KDM5A: variants seen among roughly 807,000 people sequenced by gnomAD.
KDM5A encodes lysine demethylase 5A, also known as lysine-specific demethylase 5A.
KDM5A carries 42 observed loss-of-function variants against 193.5 expected under a neutral mutation model. That is an observed-to-expected ratio of 0.22 (90% confidence interval 0.17 to 0.28). The LOEUF is 0.28. Among genes scored for constraint, KDM5A ranks in the 10% least tolerant of loss-of-function variants. KDM5A has a pLI of 1.00. For missense variants in KDM5A, 1,692 were observed against 2,055.1 expected (o/e 0.82, Z 3.42); for synonymous variants, 796 against 718.1 (o/e 1.11, Z -1.73).
intron 3 of KDM5A, among the ~76,000 whole-genome samples, chr12:367,208 C>T (rs1327640347): frequency 6.6e-6 from 1 of 152,064 alleles, no homozygotes; most frequent in Non-Finnish European, 1.5e-5. Context: ...TGTTCAAACT[C>T]AGTTTCTCCT....
intron 1 of KDM5A, 93 bp from the exon 2 acceptor site, chr12:386,067 T>C (rs1944634332): frequency 2.3e-6 from 2 of 874,596 alleles, no homozygotes; most frequent in Non-Finnish European, 3.8e-6. Context: ...CCACAAATCA[T>C]GGTGCTAATA....
At position 281,197 on chromosome 12, in the gene KDM5A, A is replaced by G. The variant is rs1445280042; in HGVS notation, c.*4259T>C. On this transcript the variant is annotated 3_prime_UTR_variant, in exon 28 of 28. Transcript: ENST00000399788. ...AAACACAAAACATGCTCAAAGATCA[A>G]GAAATCGAGTTATACTTTTCATAAG... 1 of 233,048 alleles carries G rather than the reference A, an allele frequency of 4.3e-6. No homozygotes were observed. The highest frequency in any genetic ancestry group is 8.5e-6 in the Non-Finnish European group (1 of 117,984). The allele number at this position is 233,048 out of a possible 1,614,324, so 14.4% of individuals were successfully genotyped here.
intron 3 of KDM5A, among the ~76,000 whole-genome samples, chr12:371,779 A>G (rs1025512886): frequency 2.0e-5 from 3 of 152,156 alleles, no homozygotes; most frequent in Admixed American, 6.5e-5. Context: ...TAATTTTTGT[A>G]TAAGTTGTAA....
Position 334,346 on chromosome 12 carries a change from T to A in KDM5A, c.1385A>T (p.Asp462Val). The A allele has an allele frequency of 1.2e-6, 2 of 1,614,002 alleles. No individual in the cohort carries two copies. The highest frequency in any genetic ancestry group is 1.7e-6 in the Non-Finnish European group (2 of 1,179,886). Residue 462 changes from aspartate (D) to valine (V), a missense_variant, in exon 11 of 28, where the codon GAC becomes GTC. Physicochemically the swap from Asp to Val is radical, Grantham distance 152. Coordinates refer to ENST00000399788, the MANE Select transcript of KDM5A (RefSeq NM_001042603.3). ...CCACGGCACTTTCATACCAGAGATG[T>A]CCACATTAATATGTGCAAGAACAGA... ...EQSVLAHINV[D>V]ISGMKVPWLY...
intron 19 of KDM5A, among the ~76,000 whole-genome samples, chr12:314,428 C>CTCG (rs1373509009): frequency 6.6e-6 from 1 of 152,108 alleles, no homozygotes; most frequent in East Asian, 1.9e-4. Context: ...ATCTCCTGAC[C>CTCG]TCGTGATTCT....
chr12:294,140 T>C (rs1004309143), intron 26 of KDM5A, among the ~76,000 whole-genome samples: 15 of 152,164 alleles, frequency 9.9e-5, no homozygotes, highest in African/African-American at 3.1e-4. Context: ...ACAGAATATA[T>C]AGTGACTTTG....
At position 280,382 on chromosome 12, in the gene KDM5A, C is replaced by A. The variant is rs1943143177; in HGVS notation, c.*5074G>T. On this transcript the variant is annotated 3_prime_UTR_variant, in exon 28 of 28. Coordinates refer to ENST00000399788, the MANE Select transcript of KDM5A (RefSeq NM_001042603.3). ...ATTTTTTTTTTTAATGGACTTGCCA[C>A]CTTAAGAAACTTCAAGTGTATCTTT... 8.6e-6 allele frequency: 2 copies of A among 232,690 alleles called. No homozygotes were observed. Among genetic ancestry groups the A allele is most frequent in the Non-Finnish European group, 1.7e-5 (2 of 117,918 alleles). The allele number at this position is 232,690 out of a possible 1,614,324, so 14.4% of individuals were successfully genotyped here. A position where few individuals can be genotyped will look rare whatever the true frequency, so the allele number is the denominator to read the frequency against.
At chr12:333,908 C>A (rs951505482) in intron 11 of KDM5A, among the ~76,000 whole-genome samples, 4 of 152,260 alleles carry the variant, frequency 2.6e-5, no homozygotes, top group African/African-American at 9.6e-5. Context: ...TAAGGCGGAT[C>A]AGTGAAAACA....
At chr12:309,088 T>G (rs774908790) in intron 22 of KDM5A, among the ~76,000 whole-genome samples, 1 of 152,300 alleles carries the variant, frequency 6.6e-6, no homozygotes, top group Non-Finnish European at 1.5e-5. Context: ...GAAAAGGTTA[T>G]AAAAGAAGTT....
intron 27 of KDM5A, among the ~76,000 whole-genome samples, chr12:292,259 A>ATCAT (rs1352996712): frequency 6.6e-6 from 1 of 152,216 alleles, no homozygotes; most frequent in African/African-American, 2.4e-5. Context: ...TTTGAAGAAA[A>ATCAT]TCATATTCCA....
At chr12:346,079 G>C (rs537538925) in intron 10 of KDM5A, among the ~76,000 whole-genome samples, 99 of 152,214 alleles carry the variant, frequency 6.5e-4, no homozygotes, top group African/African-American at 2.1e-3. Flanking sequence ...AAATGATAAA[G>C]GGGATATCAC....
chr12:345,966 T>G (rs529330548), intron 10 of KDM5A, among the ~76,000 whole-genome samples: 2 of 152,082 alleles, frequency 1.3e-5, no homozygotes, highest in East Asian at 3.9e-4. Flanking sequence ...AAAACATCAA[T>G]TAAATCCAGG....
rs887782781 is a variant in KDM5A at position 283,911 on chromosome 12, G to A, written c.*1545C>T. The A allele has an allele frequency of 1.3e-5, 3 of 233,066 alleles. No individual in the cohort carries two copies. Among genetic ancestry groups the A allele is most frequent in the Non-Finnish European group, 2.5e-5 (3 of 117,938 alleles). The allele number at this position is 233,066 out of a possible 1,614,324, so 14.4% of individuals were successfully genotyped here. A position where few individuals can be genotyped will look rare whatever the true frequency, so the allele number is the denominator to read the frequency against. On this transcript the variant is annotated 3_prime_UTR_variant, in exon 28 of 28. Coordinates refer to ENST00000399788, the MANE Select transcript of KDM5A (RefSeq NM_001042603.3). Reference sequence around the variant, plus strand: ...AGAAGAACAGAGAACACAACAGGAGGGAAGAGGACACAGCACCATAGTTTC... The same window carrying A: ...AGAAGAACAGAGAACACAACAGGAGAGAAGAGGACACAGCACCATAGTTTC...
intron 7 of KDM5A, among the ~76,000 whole-genome samples, chr12:354,552 G>C (rs142953105): frequency 6.6e-6 from 1 of 152,132 alleles, no homozygotes; most frequent in Admixed American, 6.6e-5. Flanking sequence ...CAGATCACGA[G>C]GTCAGGAGAT....
chr12:372,802 G>A (rs934524397), intron 3 of KDM5A, among the ~76,000 whole-genome samples: 1 of 152,178 alleles, frequency 6.6e-6, no homozygotes, highest in African/African-American at 2.4e-5. Context: ...TTAGCATGAA[G>A]CATTGTTGAA....
At chr12:310,058 T>C (rs762188944) in intron 21 of KDM5A, 94 bp from the exon 22 acceptor site, 98 of 1,311,148 alleles carry the variant, frequency 7.5e-5, no homozygotes, top group Non-Finnish European at 1.0e-4. Context: ...TGTTCAACCA[T>C]GTCCCACGCA....
intron 16 of KDM5A, 118 bp from the exon 17 acceptor site, chr12:322,685 T>C: frequency 5.9e-6 from 5 of 841,098 alleles, no homozygotes; most frequent in Non-Finnish European, 9.6e-6. Flanking sequence ...ATATAATAAT[T>C]AGTAGAAACA....
chr12:387,379 A>G (rs1326354324), intron 1 of KDM5A: 2 of 215,880 alleles, frequency 9.3e-6, no homozygotes, highest in Non-Finnish European at 1.9e-5. Flanking sequence ...TTTTTTAATC[A>G]AAGTAACCGT....
chr12:380,689 C>G (rs1944562440), intron 3 of KDM5A, among the ~76,000 whole-genome samples: 1 of 151,612 alleles, frequency 6.6e-6, no homozygotes, highest in African/African-American at 2.4e-5. Context: ...TGCCACTGCA[C>G]TCCAGTCTGG....
Sources: allele counts gnomAD v4.1 joint callset (sites outside exome capture counted in the v4.1 genomes callset), GRCh38; gene constraint gnomAD v4.1.1; transcripts MANE v1.5; gene names NCBI Gene and HGNC (gene_info 2026-07-23, HGNC 2026-07-21).